GIPC2: variants seen among roughly 807,000 people sequenced by gnomAD.
GIPC2 encodes GIPC PDZ domain containing family member 2, also known as PDZ domain-containing protein GIPC2.
In GIPC2, 30 loss-of-function variants were observed where a neutral mutation model predicts 30.6. The observed-to-expected ratio is 0.98, with a 90% CI of 0.73 to 1.33. The LOEUF (loss-of-function observed/expected upper bound fraction) is 1.33. Ranked by LOEUF, GIPC2 falls within the 40% of genes most tolerant of loss-of-function variation. The pLI is 0.00. For synonymous variants in GIPC2, 167 were observed against 150.0 expected (o/e 1.11, Z -0.83); for missense variants, 414 against 390.3 (o/e 1.06, Z -0.51).
intron 4 of GIPC2, among the ~76,000 whole-genome samples, chr1:78,125,359 T>G (rs1169558307): frequency 6.6e-6 from 1 of 152,162 alleles, no homozygotes; most frequent in Non-Finnish European, 1.5e-5. Flanking sequence ...AATTAATTAA[T>G]TAATTTTTTT....
intron 2 of GIPC2, among the ~76,000 whole-genome samples, chr1:78,090,611 GACTA>G (rs947436564): frequency 6.6e-6 from 1 of 152,164 alleles, no homozygotes; most frequent in Non-Finnish European, 1.5e-5. Flanking sequence ...GAAATAGTTT[GACTA>G]ACCACAAAAC....
chr1:78,110,180 T>TA (rs568123003), intron 3 of GIPC2, among the ~76,000 whole-genome samples: 4,401 of 135,258 alleles, frequency 0.033, 107 homozygotes, highest in Admixed American at 0.045. Context: ...AAACTTAAAG[T>TA]AAAAAAAAAA....
chr1:78,093,447 C>T (rs1171708018), intron 2 of GIPC2, among the ~76,000 whole-genome samples: 1 of 152,138 alleles, frequency 6.6e-6, no homozygotes, highest in East Asian at 1.9e-4. Context: ...GTGACATTTG[C>T]ATATAGCATG....
At chr1:78,077,003 T>A (rs1025939912) in intron 1 of GIPC2, among the ~76,000 whole-genome samples, 2 of 151,790 alleles carry the variant, frequency 1.3e-5, no homozygotes, top group African/African-American at 4.8e-5. Flanking sequence ...CTCCTGACCT[T>A]AGGTGATCTG....
intron 2 of GIPC2, among the ~76,000 whole-genome samples, chr1:78,089,867 T>G (rs1662005238): frequency 6.6e-6 from 1 of 152,188 alleles, no homozygotes. Flanking sequence ...TATATGGTCT[T>G]TGCTGCAACT....
At chr1:78,112,583 G>C (rs779055105) in intron 3 of GIPC2, 1 of 517,942 alleles carries the variant, frequency 1.9e-6, no homozygotes, top group Non-Finnish European at 3.9e-6. Context: ...CGTTCTGTGC[G>C]GAAGTGGGGA....
chr1:78,114,145 G>A (rs1028460701), intron 3 of GIPC2, among the ~76,000 whole-genome samples: 50 of 152,160 alleles, frequency 3.3e-4, no homozygotes, highest in Admixed American at 6.5e-5. Flanking sequence ...ACAGGCGGAC[G>A]GCCAGTACAC....
chr1:78,126,177 G>T (rs1427347202), intron 5 of GIPC2, among the ~76,000 whole-genome samples: 1 of 152,066 alleles, frequency 6.6e-6, no homozygotes, highest in Non-Finnish European at 1.5e-5. Flanking sequence ...AAACATTTTA[G>T]TTAGTTCTTA....
intron 4 of GIPC2, among the ~76,000 whole-genome samples, chr1:78,122,610 C>A (rs1017921784): frequency 1.3e-5 from 2 of 152,132 alleles, no homozygotes; most frequent in Non-Finnish European, 2.9e-5. Context: ...CTCACTATCA[C>A]GAGAACAGCC....
At position 78,120,601 on chromosome 1, in the gene GIPC2, G is replaced by A. The variant is rs563266742; in HGVS notation, c.714+1102G>A. ...ATTTATAAAGAAAAAGAGGTTTAAC[G>A]GACTCACAGTTCCACATGTCTGGGG... On this transcript the variant is annotated intron_variant, in intron 4 of 5. Coordinates refer to ENST00000370759, the MANE Select transcript of GIPC2 (RefSeq NM_017655.6). Among the ~76,000 whole-genome samples the A allele has an allele frequency of 8.5e-5, 13 of 152,262 alleles. 1 individual carries two copies. In the East Asian group the frequency reaches 1.2e-3, roughly 14 times the overall value.
chr1:78,045,672 C>G (rs770315727), upstream of GIPC2: 22 of 985,364 alleles, frequency 2.2e-5, no homozygotes, highest in Admixed American at 1.2e-4. Flanking sequence ...AAAGTCCAGA[C>G]GTACGGACCC....
chr1:78,048,870 A>C (rs994814075), intron 1 of GIPC2, among the ~76,000 whole-genome samples: 3 of 152,214 alleles, frequency 2.0e-5, no homozygotes, highest in African/African-American at 7.2e-5. Context: ...CATGTGTTAG[A>C]TCAAAGTTTA....
chr1:78,058,558 T>C (rs1435224067), intron 1 of GIPC2, among the ~76,000 whole-genome samples: 1 of 152,190 alleles, frequency 6.6e-6, no homozygotes, highest in African/African-American at 2.4e-5. Flanking sequence ...ACAAACAATT[T>C]GACAAGCTAG....
At chr1:78,120,578 T>G (rs1662661561) in intron 4 of GIPC2, among the ~76,000 whole-genome samples, 1 of 152,162 alleles carries the variant, frequency 6.6e-6, no homozygotes, top group Non-Finnish European at 1.5e-5. Flanking sequence ...ACTGGGTAAT[T>G]TATAAAGAAA....
At chr1:78,095,928 G>C (rs1481365748) in intron 3 of GIPC2, among the ~76,000 whole-genome samples, 1 of 152,112 alleles carries the variant, frequency 6.6e-6, no homozygotes, top group African/African-American at 2.4e-5. Context: ...TGTCTCTAAT[G>C]CCATTTTCTC....
intron 3 of GIPC2, among the ~76,000 whole-genome samples, chr1:78,104,157 C>T (rs188792394): frequency 1.4e-5 from 2 of 142,522 alleles, no homozygotes; most frequent in Admixed American, 6.9e-5. Context: ...AAACCTGTGC[C>T]ATGCCAGTGG....
chr1:78,082,791 G>A (rs1057192892), intron 2 of GIPC2, among the ~76,000 whole-genome samples: 6 of 152,134 alleles, frequency 3.9e-5, no homozygotes, highest in Non-Finnish European at 5.9e-5. Flanking sequence ...TGTATACATG[G>A]TTGATGAAAT....
intron 1 of GIPC2, among the ~76,000 whole-genome samples, chr1:78,059,890 A>G (rs1661361498): frequency 6.6e-6 from 1 of 152,266 alleles, no homozygotes; most frequent in Non-Finnish European, 1.5e-5. Flanking sequence ...TCTGTGAATT[A>G]GAGATTAAAA....
intron 3 of GIPC2, among the ~76,000 whole-genome samples, chr1:78,105,582 G>T (rs555481494): frequency 6.6e-6 from 1 of 151,890 alleles, no homozygotes; most frequent in South Asian, 2.1e-4. Context: ...CACCTTGCCC[G>T]ACCAGAACCG....
Sources: allele counts gnomAD v4.1 joint callset (sites outside exome capture counted in the v4.1 genomes callset), GRCh38; gene constraint gnomAD v4.1.1; transcripts MANE v1.5; gene names NCBI Gene and HGNC (gene_info 2026-07-23, HGNC 2026-07-21).